Variants in SYNJ2 observed in about 807,000 individuals in gnomAD.
The protein encoded by SYNJ2 is synaptojanin 2.
A neutral mutation model predicts 141.3 loss-of-function variants in SYNJ2; 116 were observed. The observed-to-expected ratio is 0.82, with a 90% CI of 0.71 to 0.96. The LOEUF (loss-of-function observed/expected upper bound fraction) is 0.96. Ranked by LOEUF, SYNJ2 falls within the 40% of genes least tolerant of loss-of-function variation. The pLI, the probability that SYNJ2 is intolerant of heterozygous loss-of-function variation, is 0.00. For missense variants in SYNJ2, 1,873 were observed against 1,934.8 expected (o/e 0.97, Z 0.60); for synonymous variants, 745 against 777.7 (o/e 0.96, Z 0.70).
At chr6:158,008,583 G>T (rs1407874106) in intron 1 of SYNJ2, among the ~76,000 whole-genome samples, 2 of 152,184 alleles carry the variant, frequency 1.3e-5, no homozygotes, top group Non-Finnish European at 1.5e-5. Flanking sequence ...GCCTGGGCGT[G>T]GGCTGGGAGA....
At chr6:158,006,405 C>T (rs529504657) in intron 1 of SYNJ2, among the ~76,000 whole-genome samples, 2 of 152,244 alleles carry the variant, frequency 1.3e-5, no homozygotes, top group South Asian at 2.1e-4. Flanking sequence ...GTGACAAATT[C>T]TCAGTCCTCA....
intron 1 of SYNJ2, among the ~76,000 whole-genome samples, chr6:157,985,954 C>T (rs943488607): frequency 2.6e-5 from 4 of 152,294 alleles, no homozygotes; most frequent in South Asian, 4.1e-4. Flanking sequence ...TGCTGTTGTG[C>T]GAGGCCACGT....
At chr6:158,076,354 T>G (rs549333700) in intron 16 of SYNJ2, among the ~76,000 whole-genome samples, 31 of 152,210 alleles carry the variant, frequency 2.0e-4, no homozygotes, top group Admixed American at 1.8e-3. Flanking sequence ...CACTGTCTCC[T>G]GGGGGGCAAC....
chr6:158,059,556 CTTTTTTTTTTT>C (rs71805887), intron 7 of SYNJ2: 260,134 of 1,178,486 alleles, frequency 0.22, 29,097 homozygotes, highest in Admixed American at 0.38. Flanking sequence ...AATTTCTTTT[CTTTTTTTTTTT>C]TTTTAAGACA....
At chr6:158,061,008 C>T (rs1781187751) in intron 7 of SYNJ2, among the ~76,000 whole-genome samples, 1 of 152,274 alleles carries the variant, frequency 6.6e-6, no homozygotes, top group African/African-American at 2.4e-5. Context: ...CTGGATGAAG[C>T]ACTGGCTGTG....
intron 26 of SYNJ2, among the ~76,000 whole-genome samples, chr6:158,093,446 A>AAAC (rs1783597358): frequency 1.9e-5 from 2 of 103,644 alleles, no homozygotes. Flanking sequence ...AAAAAAAAAA[A>AAAC]AAACAAAAAA....
At chr6:158,031,599 C>T (rs561568249) in intron 3 of SYNJ2, among the ~76,000 whole-genome samples, 9 of 144,462 alleles carry the variant, frequency 6.2e-5, no homozygotes, top group Admixed American at 6.1e-4. Context: ...ATCGCCTGAA[C>T]CCCCACTGTT....
Position 158,074,572 on chromosome 6 carries a change from C to A in SYNJ2, c.2134-8C>A. ...GGCTGAATGATTATGATTTTCTTTTCAACTTAGGGGAGAAATGTTTTTTCT... is the reference window on the plus strand; with the variant it reads ...GGCTGAATGATTATGATTTTCTTTTAAACTTAGGGGAGAAATGTTTTTTCT... On this transcript the variant is annotated splice_polypyrimidine_tract_variant and splice_region_variant and intron_variant, in intron 15 of 26. Transcript: ENST00000355585. The A allele has an allele frequency of 6.2e-7, 1 of 1,607,946 alleles. No homozygotes were observed. Among genetic ancestry groups the A allele is most frequent in the South Asian group, 1.1e-5 (1 of 89,510 alleles).
At chr6:158,058,233 A>C (rs1014054771) in intron 6 of SYNJ2, among the ~76,000 whole-genome samples, 1 of 152,188 alleles carries the variant, frequency 6.6e-6, no homozygotes, top group African/African-American at 2.4e-5. Flanking sequence ...TGTTTTTTCT[A>C]TATTTAGGCA....
chr6:158,095,558 G>T, intron 26 of SYNJ2, 60 bp from the exon 27 acceptor site: 1 of 1,517,234 alleles, frequency 6.6e-7, no homozygotes, highest in Non-Finnish European at 8.8e-7. Flanking sequence ...TCTGTTCTCT[G>T]ATCCTCAGCT....
chr6:158,024,642 C>T (rs1225856254), intron 2 of SYNJ2, among the ~76,000 whole-genome samples: 1 of 152,182 alleles, frequency 6.6e-6, no homozygotes, highest in African/African-American at 2.4e-5. Context: ...AACGATAAAC[C>T]AGAACGCTCT....
chr6:157,992,979 CAT>C (rs763369382), intron 1 of SYNJ2, among the ~76,000 whole-genome samples: 17 of 151,674 alleles, frequency 1.1e-4, no homozygotes, highest in Non-Finnish European at 2.1e-4. Context: ...ATTGCTGGAT[CAT>C]ATGATAGCTC....
chr6:158,020,126 G>GTGACTCTGTGGAC (rs113883841), intron 2 of SYNJ2, among the ~76,000 whole-genome samples: 19,826 of 148,898 alleles, frequency 0.13, 2,185 homozygotes, highest in African/African-American at 0.28. Flanking sequence ...CTCCACCTGT[G>GTGACTCTGTGGAC]TGACTCTGCG....
intron 4 of SYNJ2, among the ~76,000 whole-genome samples, chr6:158,036,311 A>G (rs1779634197): frequency 6.6e-6 from 1 of 152,214 alleles, no homozygotes; most frequent in African/African-American, 2.4e-5. Flanking sequence ...TGTGGAGAAC[A>G]ATGTGGTGAT....
chr6:158,081,563 T>G, intron 20 of SYNJ2, 53 bp downstream of exon 20: 1 of 1,409,884 alleles, frequency 7.1e-7, no homozygotes, highest in Non-Finnish European at 1.0e-6. Context: ...TCCCTCTTTT[T>G]ATGTGGGCAT....
intron 12 of SYNJ2, 195 bp downstream of exon 12, chr6:158,066,830 T>G (rs1781597762): frequency 1.6e-6 from 1 of 643,846 alleles, no homozygotes; most frequent in Non-Finnish European, 2.7e-6. Flanking sequence ...CTTTCCCAGA[T>G]GTTTAGAAGA....
At chr6:157,983,990 G>A (rs1306539231) in intron 1 of SYNJ2, among the ~76,000 whole-genome samples, 2 of 152,058 alleles carry the variant, frequency 1.3e-5, no homozygotes, top group Admixed American at 1.3e-4. Flanking sequence ...ACCATGCCTG[G>A]CTAATTTTTT....
At chr6:158,017,105 T>A in intron 1 of SYNJ2, 99 bp from the exon 2 acceptor site, 4 of 1,484,850 alleles carry the variant, frequency 2.7e-6, no homozygotes, top group African/African-American at 1.4e-5. Flanking sequence ...GTTTTCTTTT[T>A]GGAGTGGGTG....
At chr6:157,992,612 G>C (rs62437359) in intron 1 of SYNJ2, among the ~76,000 whole-genome samples, 9,194 of 151,946 alleles carry the variant, frequency 0.061, 498 homozygotes, top group East Asian at 0.23. Flanking sequence ...TGTCCAGGCT[G>C]GTCTCGAACT....
Sources: gnomAD v4.1 joint callset for allele counts (sites outside exome capture counted in the v4.1 genomes callset) on GRCh38, gnomAD v4.1.1 for gene constraint, MANE v1.5 for transcripts, NCBI Gene and HGNC (gene_info 2026-07-23, HGNC 2026-07-21) for gene names.